DAPK1: variants seen among roughly 807,000 people sequenced by gnomAD.
DAPK1 encodes death associated protein kinase 1, also known as death-associated protein kinase 1.
DAPK1 carries 56 observed loss-of-function variants against 144.9 expected under a neutral mutation model. The ratio of observed to expected loss-of-function variants is 0.39; its 90% confidence interval spans 0.31 to 0.48. The LOEUF is 0.48. Among genes scored for constraint, DAPK1 ranks in the 20% least tolerant of loss-of-function variants. The pLI, the probability that DAPK1 is intolerant of heterozygous loss-of-function variation, is 0.95. For synonymous variants in DAPK1, 690 were observed against 749.0 expected, an observed-to-expected ratio of 0.92 and a Z score of 1.29; for missense variants, 1,454 against 1,875.4, an observed-to-expected ratio of 0.78 and a Z score of 4.15.
Position 87,633,222 on chromosome 9 carries a change from T to C in DAPK1, c.285-4721T>C, listed in dbSNP as rs200833856. The C allele has an allele frequency of 5.8e-5, 57 of 984,076 alleles. No individual in the cohort carries two copies. In the East Asian group the frequency reaches 5.3e-3, roughly 91 times the overall value. The allele number at this position is 984,076 out of a possible 1,614,324, so 61.0% of individuals were successfully genotyped here. On this transcript the variant is annotated intron_variant, in intron 3 of 25. Coordinates refer to ENST00000408954, the MANE Select transcript of DAPK1 (RefSeq NM_004938.4). The stretch of plus-strand genomic sequence containing the variant: ...AGGGATGAAGGAGATTGAGTACATA[T>C]GTAGGGATGAAGGAATATGAGTCCA...
At chr9:87,680,637 TCACACACACACACACGCGCACA>T (rs1020174646) in intron 19 of DAPK1, among the ~76,000 whole-genome samples, 2 of 134,292 alleles carry the variant, frequency 1.5e-5, no homozygotes, top group African/African-American at 2.6e-5. Context: ...AGTGTGGGGG[TCACACACACACACACGCGCACA>T]CACACACACA....
rs190253742 is a variant in DAPK1, at chr9:87,561,124, A to G, written c.63-43830A>G. ...CCCCAAAATAAAATATGAAATTAAA[A>G]TAGCGGAACCAATAATATATTAGAT... On this transcript the variant is annotated intron_variant, in intron 2 of 25. Transcript: ENST00000408954. Among the ~76,000 whole-genome samples, 5 of 152,300 alleles carry G rather than the reference A, an allele frequency of 3.3e-5. No individual in the cohort carries two copies. The East Asian group carries it at 9.6e-4, about 29-fold the overall frequency.
At chr9:87,691,017 T>A (rs1237948685) in intron 21 of DAPK1, among the ~76,000 whole-genome samples, 2 of 152,036 alleles carry the variant, frequency 1.3e-5, no homozygotes, top group Admixed American at 6.6e-5. Flanking sequence ...TCTGGTTTTG[T>A]TATCATGGCA....
chr9:87,637,714 G>C (rs1054574712), intron 3 of DAPK1, among the ~76,000 whole-genome samples: 4 of 152,122 alleles, frequency 2.6e-5, no homozygotes, highest in Admixed American at 2.6e-4. Context: ...TCTCATTTGT[G>C]AACACGGAAC....
chr9:87,523,115 A>G (rs1460597464), intron 2 of DAPK1, among the ~76,000 whole-genome samples: 2 of 151,980 alleles, frequency 1.3e-5, no homozygotes, highest in African/African-American at 2.4e-5. Context: ...CATTTTAACT[A>G]TTTTTAAGTG....
intron 17 of DAPK1, among the ~76,000 whole-genome samples, chr9:87,652,066 C>G (rs1269106630): frequency 4.2e-5 from 6 of 143,342 alleles, no homozygotes; most frequent in Non-Finnish European, 9.2e-5. Context: ...TCTGTGTTCT[C>G]TCACCTGAAC....
At chr9:87,659,559 C>T (rs1023239351) in intron 18 of DAPK1, among the ~76,000 whole-genome samples, 7 of 152,234 alleles carry the variant, frequency 4.6e-5, no homozygotes, top group East Asian at 1.9e-4. Context: ...TCCCGCAGTG[C>T]GGGTTGGGGC....
intron 2 of DAPK1, chr9:87,525,515 A>C: frequency 8.8e-7 from 1 of 1,141,716 alleles, no homozygotes; most frequent in Non-Finnish European, 1.3e-6. Flanking sequence ...CATATACTCA[A>C]TGAAAAACCA....
intron 18 of DAPK1, among the ~76,000 whole-genome samples, chr9:87,659,328 G>A (rs900383474): frequency 5.9e-5 from 9 of 152,118 alleles, no homozygotes; most frequent in Admixed American, 5.2e-4. Context: ...CACCGCAAAC[G>A]CACACACCAT....
intron 18 of DAPK1, among the ~76,000 whole-genome samples, chr9:87,659,404 C>T (rs528258459): frequency 6.6e-6 from 1 of 152,182 alleles, no homozygotes; most frequent in Non-Finnish European, 1.5e-5. Context: ...CCTGCCCAGC[C>T]ATGCTTGGGC....
Position 87,650,242 on chromosome 9 carries a change from G to T in DAPK1, c.1626+124G>T, listed in dbSNP as rs966655889. The T allele has an allele frequency of 1.0e-5, 9 of 868,818 alleles. No homozygotes were observed. In the East Asian group the frequency reaches 2.4e-4, roughly 23 times the overall value. 53.8% of individuals were successfully genotyped at this position (868,818 alleles called of 1,614,324 possible). Reference sequence around the variant, plus strand: ...GAATGCAGCAAACTGTAATTACCCCGTCTCTTCTCTGTTCCAAAGATTCTG... The same window carrying T: ...GAATGCAGCAAACTGTAATTACCCCTTCTCTTCTCTGTTCCAAAGATTCTG... On this transcript the variant is annotated intron_variant, in intron 16 of 25. Transcript: ENST00000408954.
intron 20 of DAPK1, 100 bp downstream of exon 20, chr9:87,681,726 T>G (rs1824637463): frequency 2.7e-6 from 2 of 735,426 alleles, no homozygotes; most frequent in African/African-American, 3.5e-5. Context: ...TTTGGGTCAC[T>G]TGGCCTATAC....
chr9:87,702,823 T>G (rs1654178036), intron 24 of DAPK1, among the ~76,000 whole-genome samples: 1 of 151,940 alleles, frequency 6.6e-6, no homozygotes, highest in Non-Finnish European at 1.5e-5. Context: ...GAGGATTACT[T>G]GAGCCCAAGG....
At chr9:87,569,584 C>G (rs546828473) in intron 2 of DAPK1, among the ~76,000 whole-genome samples, 11 of 152,120 alleles carry the variant, frequency 7.2e-5, no homozygotes, top group Non-Finnish European at 1.6e-4. Context: ...GTGTGATTAC[C>G]TAAGTTCTCA....
chr9:87,667,773 T>C (rs1267413525), intron 18 of DAPK1: 1 of 152,222 alleles, frequency 6.6e-6, no homozygotes, highest in Non-Finnish European at 1.5e-5. Flanking sequence ...CTTTTGAATT[T>C]TTAGTGATCT....
intron 2 of DAPK1, among the ~76,000 whole-genome samples, chr9:87,528,521 C>T (rs988166200): frequency 6.6e-6 from 1 of 152,134 alleles, no homozygotes; most frequent in Non-Finnish European, 1.5e-5. Context: ...CCCGGCCTAC[C>T]ATGCACCTTT....
At chr9:87,650,812 G>C (rs1407017888) in intron 16 of DAPK1, among the ~76,000 whole-genome samples, 1 of 152,158 alleles carries the variant, frequency 6.6e-6, no homozygotes, top group Non-Finnish European at 1.5e-5. Flanking sequence ...CTGGCATCTC[G>C]TCGATCCCAG....
At chr9:87,554,445 C>T (rs13289701) in intron 2 of DAPK1, 1 of 104,478 alleles carries the variant, frequency 9.6e-6, no homozygotes, top group Non-Finnish European at 1.7e-5. Context: ...AAATGTAATA[C>T]TAAAAAAAAA....
chr9:87,515,112 G>T (rs925139188), intron 2 of DAPK1, among the ~76,000 whole-genome samples: 1 of 152,182 alleles, frequency 6.6e-6, no homozygotes, highest in Admixed American at 6.5e-5. Flanking sequence ...AAATATTACT[G>T]CATGTAATTC....
Sources: gnomAD v4.1 joint callset for allele counts (sites outside exome capture counted in the v4.1 genomes callset) on GRCh38, gnomAD v4.1.1 for gene constraint, MANE v1.5 for transcripts, NCBI Gene and HGNC (gene_info 2026-07-23, HGNC 2026-07-21) for gene names.